Variants in BTC observed in about 807,000 individuals in gnomAD.
BTC encodes the protein betacellulin.
A neutral mutation model predicts 18.1 loss-of-function variants in BTC; 13 were observed. That is an observed-to-expected ratio of 0.72 (90% CI 0.47 to 1.14). The LOEUF is 1.14. Among genes scored for constraint, BTC ranks in the 50% most tolerant of loss-of-function variants. BTC has a pLI of 0.00. For missense variants in BTC, 247 were observed against 224.2 expected, an observed-to-expected ratio of 1.10 and a Z score of -0.65; for synonymous variants, 83 against 79.4, an observed-to-expected ratio of 1.05 and a Z score of -0.24.
chr4:74,777,810 T>TAGAC (rs141746106), intron 1 of BTC, among the ~76,000 whole-genome samples: 27,112 of 151,954 alleles, frequency 0.18, 3,989 homozygotes, highest in African/African-American at 0.41. Context: ...AGTCAGATCA[T>TAGAC]AGTAATAACT....
chr4:74,784,440 G>A (rs912754277), intron 1 of BTC, among the ~76,000 whole-genome samples: 5 of 151,812 alleles, frequency 3.3e-5, no homozygotes, highest in African/African-American at 1.2e-4. Context: ...TCTCTTTCCT[G>A]GCCAGAACAT....
At chr4:74,757,860 G>A (rs1231520640) in intron 2 of BTC, among the ~76,000 whole-genome samples, 4 of 152,186 alleles carry the variant, frequency 2.6e-5, no homozygotes, top group African/African-American at 9.7e-5. Flanking sequence ...TTCCTCATCT[G>A]TAAGATAGAC....
intron 2 of BTC, among the ~76,000 whole-genome samples, chr4:74,760,278 C>T (rs1724717859): frequency 6.6e-6 from 1 of 152,128 alleles, no homozygotes; most frequent in Admixed American, 6.5e-5. Context: ...AAAGGCTAAA[C>T]TTTGAAATAG....
chr4:74,791,455 T>A (rs894548522), intron 1 of BTC, among the ~76,000 whole-genome samples: 1 of 152,256 alleles, frequency 6.6e-6, no homozygotes, highest in African/African-American at 2.4e-5. Flanking sequence ...GGATTTCTAC[T>A]GACTTAGAAA....
chr4:74,792,552 C>T lies in BTC; in HGVS notation c.64+1710G>A, dbSNP rs181348513. 1.3e-3 allele frequency among the ~76,000 whole-genome samples: 196 copies of T among 152,308 alleles called. 1 individual carries two copies. Among genetic ancestry groups the T allele is most frequent in the South Asian group, 5.8e-3 (28 of 4,822 alleles). On this transcript the variant is annotated intron_variant, in intron 1 of 5. Transcript: ENST00000395743. ...AACCATTGTTTGCATCATATCACTC[C>T]CAGTCAAGCCCTGTGATGGTGTGTG... is the stretch of plus-strand genomic sequence containing the variant.
At chr4:74,747,620 T>G (rs1284362225) in intron 5 of BTC, among the ~76,000 whole-genome samples, 1 of 152,232 alleles carries the variant, frequency 6.6e-6, no homozygotes, top group African/African-American at 2.4e-5. Context: ...CTGAGAAGAT[T>G]TGTGATTCCT....
At chr4:74,790,135 A>G (rs1725582686) in intron 1 of BTC, among the ~76,000 whole-genome samples, 1 of 152,226 alleles carries the variant, frequency 6.6e-6, no homozygotes, top group Non-Finnish European at 1.5e-5. Flanking sequence ...TGAGAAATGA[A>G]GGCAACAGAA....
At chr4:74,752,096 G>A (rs1342497902) in intron 3 of BTC, among the ~76,000 whole-genome samples, 5 of 152,090 alleles carry the variant, frequency 3.3e-5, no homozygotes, top group African/African-American at 9.7e-5. Flanking sequence ...ATCCCTTAAT[G>A]CCAATATTGT....
At chr4:74,780,109 A>G (rs1305027589) in intron 1 of BTC, among the ~76,000 whole-genome samples, 1 of 152,194 alleles carries the variant, frequency 6.6e-6, no homozygotes, top group Non-Finnish European at 1.5e-5. Flanking sequence ...AAAAGGATTA[A>G]GAAACAATGG....
rs782498087 is a variant in BTC, at chr4:74,748,131, A to G, written c.447T>C (p.Arg149=). The G allele has an allele frequency of 6.2e-7, 1 of 1,608,336 alleles. No homozygotes were observed. Among genetic ancestry groups the G allele is most frequent in the South Asian group, 1.1e-5 (1 of 90,940 alleles). The part of the protein sequence containing the change: ...CTCCHPLRKR[R]KRKKKEEEME... ...TTTCTTCTTCTTTCTTCTTTCTTTT[A>G]CGACGTTTCCGAAGAGGGCTTGGAA... Residue 149 remains arginine (R), a synonymous_variant, in exon 5 of 6, where the codon CGT becomes CGC. Transcript: ENST00000395743.
In BTC at chr4:74,750,663, C is replaced by T. The variant is rs782368933; in HGVS notation, c.338G>A (p.Arg113Lys). The change falls in exon 4 of 6, where the codon AGA becomes AAA. Residue 113 changes from arginine (R) to lysine (K), a missense_variant. Coordinates refer to ENST00000395743, the MANE Select transcript of BTC (RefSeq NM_001729.4). The part of the protein sequence containing the change: ...RCERVDLFYL[R>K]GDRGQILVIC... Reference sequence around the variant, plus strand: ...CACCAGAATCTGTCCTCTGTCTCCTCTTAGGTAAAACAAGTCAACTCTCTC... The same window carrying T: ...CACCAGAATCTGTCCTCTGTCTCCTTTTAGGTAAAACAAGTCAACTCTCTC... 1.5e-5 allele frequency: 25 copies of T among 1,613,992 alleles called. No individual in the cohort carries two copies. Among genetic ancestry groups the T allele is most frequent in the Admixed American group, 5.0e-5 (3 of 60,016 alleles).
chr4:74,792,857 G>A (rs967875), intron 1 of BTC, among the ~76,000 whole-genome samples: 71,452 of 152,008 alleles, frequency 0.47, 17,833 homozygotes, highest in African/African-American at 0.64. Flanking sequence ...TTCTGATTCC[G>A]TGAATTTTTC....
chr4:74,786,364 A>G (rs1725478418), intron 1 of BTC, among the ~76,000 whole-genome samples: 1 of 152,176 alleles, frequency 6.6e-6, no homozygotes, highest in African/African-American at 2.4e-5. Context: ...TCTGTGTGTA[A>G]TGTGCTTAAA....
At chr4:74,762,763 T>A (rs1724794900) in intron 2 of BTC, among the ~76,000 whole-genome samples, 1 of 152,178 alleles carries the variant, frequency 6.6e-6, no homozygotes, top group Admixed American at 6.5e-5. Flanking sequence ...ATAGTCTACC[T>A]ATTAATTTTA....
intron 2 of BTC, among the ~76,000 whole-genome samples, chr4:74,765,981 G>A (rs535128033): frequency 1.1e-4 from 16 of 152,178 alleles, no homozygotes; most frequent in African/African-American, 3.6e-4. Context: ...TTGCTCTGAG[G>A]CTACAAACCT....
In BTC at chr4:74,754,938, AACACACACACAC is replaced by A. The variant is rs33972204; in HGVS notation, c.281+909_281+920del. On this transcript the variant is annotated intron_variant, in intron 3 of 5. Transcript: ENST00000395743. The stretch of plus-strand genomic sequence containing the variant: ...TTAAAAAATTAGATCTATCCCTCTC[AACACACACACAC>A]ACACACACACACACACTCACACACA... 4.2e-3 allele frequency among the ~76,000 whole-genome samples: 632 copies of A among 150,020 alleles called. 3 individuals carry two copies. Among genetic ancestry groups the A allele is most frequent in the Non-Finnish European group, 6.4e-3 (429 of 67,398 alleles).
At chr4:74,753,840 T>G (rs1196005767) in intron 3 of BTC, among the ~76,000 whole-genome samples, 1 of 152,098 alleles carries the variant, frequency 6.6e-6, no homozygotes, top group South Asian at 2.1e-4. Flanking sequence ...AAAAAAAATA[T>G]TGTTCTTAAA....
intron 1 of BTC, among the ~76,000 whole-genome samples, chr4:74,784,917 T>C (rs1725440257): frequency 6.6e-6 from 1 of 152,186 alleles, no homozygotes; most frequent in African/African-American, 2.4e-5. Context: ...CAGGTTTTGG[T>C]ATCAGGATGA....
chr4:74,758,570 C>G (rs1353235593), intron 2 of BTC, among the ~76,000 whole-genome samples: 8 of 152,140 alleles, frequency 5.3e-5, no homozygotes, highest in Admixed American at 3.3e-4. Context: ...ATATCAAAGT[C>G]ATTTGGCTAT....
Sources: gnomAD v4.1 joint callset for allele counts (sites outside exome capture counted in the v4.1 genomes callset) on GRCh38, gnomAD v4.1.1 for gene constraint, MANE v1.5 for transcripts, NCBI Gene and HGNC (gene_info 2026-07-23, HGNC 2026-07-21) for gene names.